The following RUSC2 variants were observed in gnomAD, a reference collection of about 807,000 sequenced individuals.
RUSC2 encodes the protein AP-4 complex accessory subunit RUSC2.
A neutral mutation model predicts 122.2 loss-of-function variants in RUSC2; 34 were observed. The observed-to-expected ratio is 0.28, with a 90% confidence interval of 0.21 to 0.37. The LOEUF is 0.37. Ranked by LOEUF, RUSC2 falls within the 10% of genes least tolerant of loss-of-function variation. RUSC2 has a pLI of 1.00. For missense variants in RUSC2, 1,747 were observed against 1,952.4 expected (o/e 0.89, Z 1.98); for synonymous variants, 784 against 790.0 (o/e 0.99, Z 0.13).
chr9:35,499,387 T>TA (rs1820780884), intron 1 of RUSC2, among the ~76,000 whole-genome samples: 1 of 152,216 alleles, frequency 6.6e-6, no homozygotes, highest in Non-Finnish European at 1.5e-5. Context: ...TTAAAGTTTT[T>TA]AAAAAATTAA....
intron 1 of RUSC2, among the ~76,000 whole-genome samples, chr9:35,522,941 T>G (rs1197348238): frequency 6.6e-6 from 1 of 152,196 alleles, no homozygotes; most frequent in East Asian, 1.9e-4. Flanking sequence ...CTGTCCCTGG[T>G]GTACTGAGGT....
At chr9:35,501,016 G>A (rs537872053) in intron 1 of RUSC2, among the ~76,000 whole-genome samples, 2 of 152,098 alleles carry the variant, frequency 1.3e-5, no homozygotes, top group South Asian at 2.1e-4. Flanking sequence ...TATCTTATGA[G>A]GAAAAAAAGA....
chr9:35,555,749 A>G lies in RUSC2; in HGVS notation c.2656+48A>G, dbSNP rs1196286548. 1.1e-5 allele frequency: 17 copies of G among 1,546,610 alleles called. No homozygotes were observed. The highest frequency in any genetic ancestry group is 1.5e-5 in the Non-Finnish European group (17 of 1,157,398). On this transcript the variant is annotated intron_variant, in intron 3 of 11. Coordinates refer to ENST00000361226, the MANE Select transcript of RUSC2 (RefSeq NM_014806.5). This position sits in a 1 kb window ranked among gnomAD's most constrained non-coding sequence, Gnocchi z 4.6. ...ACCCAACCCGCCACCTCACGCAAGC[A>G]CTTCCACCACCTCCCCTTTGAGTGG...
chr9:35,561,068 C>G lies in RUSC2; in HGVS notation c.4320C>G (p.His1440Gln). 6.2e-7 allele frequency: 1 copy of G among 1,614,142 alleles called. No homozygotes were observed. Among genetic ancestry groups the G allele is most frequent in the Non-Finnish European group, 8.5e-7 (1 of 1,179,988 alleles). The change falls in exon 11 of 12, where the codon CAC (histidine) becomes CAG (glutamine). Residue 1440 changes from histidine to glutamine, a missense_variant. By Grantham distance (24) the His-to-Gln change is conservative. Coordinates refer to ENST00000361226, the MANE Select transcript of RUSC2 (RefSeq NM_014806.5). ...CCAAGGAGAGCCTGCAGGAGCCACA[C>G]TCCCCAGCCCTGCCCTCCAGTCCTC... ...PEPKESLQEP[H>Q]SPALPSSPPC...
At chr9:35,553,145 A>C (rs1388451282) in intron 2 of RUSC2, among the ~76,000 whole-genome samples, 1 of 152,186 alleles carries the variant, frequency 6.6e-6, no homozygotes, top group Non-Finnish European at 1.5e-5. Flanking sequence ...GAGTAGGGTC[A>C]GTGGGGGCAG....
Position 35,548,025 on chromosome 9 carries a change from A to G in RUSC2, c.1504A>G (p.Ser502Gly), listed in dbSNP as rs1359779734. Residue 502 changes from serine (S) to glycine (G), a missense_variant, in exon 2 of 12, where the codon AGC (serine) becomes GGC (glycine). Transcript: ENST00000361226. This position sits in a 1 kb window ranked among gnomAD's most constrained non-coding sequence, Gnocchi z 4.5. ...GRQRSRSYDR[S>G]LQRSPPVRLG... is the part of the protein sequence containing the mutation. The stretch of plus-strand genomic sequence containing the variant: ...TCAGCGCTCCCGCAGCTATGATCGC[A>G]GCCTGCAGCGCAGCCCTCCTGTCCG... 4.3e-6 allele frequency: 7 copies of G among 1,613,872 alleles called. No individual in the cohort carries two copies. Among genetic ancestry groups the G allele is most frequent in the Non-Finnish European group, 5.9e-6 (7 of 1,180,034 alleles).
intron 1 of RUSC2, among the ~76,000 whole-genome samples, chr9:35,502,905 G>A (rs1158394093): frequency 6.6e-6 from 1 of 152,090 alleles, no homozygotes; most frequent in Non-Finnish European, 1.5e-5. Flanking sequence ...TTGCTGCCCA[G>A]TCTGAAGTGC....
chr9:35,552,593 G>A (rs1229970436), intron 2 of RUSC2, among the ~76,000 whole-genome samples: 1 of 152,188 alleles, frequency 6.6e-6, no homozygotes, highest in African/African-American at 2.4e-5. Context: ...AAAAAGTTAA[G>A]ATGACTGGAT....
chr9:35,490,984 C>T (rs1278840528), intron 1 of RUSC2, among the ~76,000 whole-genome samples: 1 of 151,638 alleles, frequency 6.6e-6, no homozygotes, highest in Admixed American at 6.6e-5. Context: ...TTGTCCTTTG[C>T]GTTTTGAACA....
chr9:35,555,786 C>T lies in RUSC2; in HGVS notation c.2656+85C>T. The T allele has an allele frequency of 6.7e-7, 1 of 1,496,806 alleles. No individual in the cohort carries two copies. The highest frequency in any genetic ancestry group is 8.9e-7 in the Non-Finnish European group (1 of 1,120,118). The allele number at this position is 1,496,806 out of a possible 1,614,324, so 92.7% of individuals were successfully genotyped here. On this transcript the variant is annotated intron_variant, in intron 3 of 11. Coordinates refer to ENST00000361226, the MANE Select transcript of RUSC2 (RefSeq NM_014806.5). This position sits in a 1 kb window ranked among gnomAD's most constrained non-coding sequence, Gnocchi z 4.6. Reference sequence around the variant, plus strand: ...TCCCCTTTGAGTGGTTGCTTACACTCTCACCTGGGGCCAGAGGTTAGGATG... The same window carrying T: ...TCCCCTTTGAGTGGTTGCTTACACTTTCACCTGGGGCCAGAGGTTAGGATG...
rs1348521896 is a variant in RUSC2, at chr9:35,558,066, G to A, written c.3060+76G>A. 1.3e-5 allele frequency: 21 copies of A among 1,583,180 alleles called. No homozygotes were observed. The East Asian group carries it at 2.7e-4, about 20-fold the overall frequency. On this transcript the variant is annotated intron_variant, in intron 6 of 11. Coordinates refer to ENST00000361226, the MANE Select transcript of RUSC2 (RefSeq NM_014806.5). The surrounding 1 kb of genome is among the most constrained non-coding windows in gnomAD (Gnocchi z 4.3). Reference sequence around the variant, plus strand: ...TCCCGCGCTACCACCTTCCCTTGCTGTCTTGCATTTAGAGCCCAGGGTTGG... The same window carrying A: ...TCCCGCGCTACCACCTTCCCTTGCTATCTTGCATTTAGAGCCCAGGGTTGG...
At chr9:35,517,339 G>T (rs144879260) in intron 1 of RUSC2, among the ~76,000 whole-genome samples, 2 of 152,290 alleles carry the variant, frequency 1.3e-5, no homozygotes, top group African/African-American at 2.4e-5. Context: ...AAGACTGAAG[G>T]CTTGTGTTAG....
At chr9:35,504,806 A>G (rs1820882064) in intron 1 of RUSC2, among the ~76,000 whole-genome samples, 1 of 152,180 alleles carries the variant, frequency 6.6e-6, no homozygotes, top group African/African-American at 2.4e-5. Flanking sequence ...CACAGGACAA[A>G]TATGGCATGA....
In RUSC2 at chr9:35,547,587, TCTC is replaced by T. The variant is rs756645515; in HGVS notation, c.1069_1071del (p.Pro357del). The T allele has an allele frequency of 1.9e-6, 3 of 1,613,970 alleles. No homozygotes were observed. The highest frequency in any genetic ancestry group is 1.1e-5 in the South Asian group (1 of 91,086). ...GGGCTATGGTTGCCCTCATGCCTCT[TCTC>T]CTGAGCTTGATGCCAACTGCAACTC... On this transcript the variant is annotated inframe_deletion, in exon 2 of 12. Transcript: ENST00000361226. This position sits in a 1 kb window ranked among gnomAD's most constrained non-coding sequence, Gnocchi z 4.6.
intron 1 of RUSC2, among the ~76,000 whole-genome samples, chr9:35,534,630 C>T (rs1821487871): frequency 6.6e-6 from 1 of 152,110 alleles, no homozygotes; most frequent in African/African-American, 2.4e-5. Context: ...TACAGGTGTG[C>T]ACCATCACAC....
At position 35,537,089 on chromosome 9, in the gene RUSC2, A is replaced by G. The variant is rs78940125; in HGVS notation, c.-92-9341A>G. 4.1e-3 allele frequency among the ~76,000 whole-genome samples: 624 copies of G among 152,268 alleles called. 8 individuals carry two copies. Among genetic ancestry groups the G allele is most frequent in the Non-Finnish European group, 3.9e-3 (268 of 68,020 alleles). ...TAATTTGATCTTTCCTCAAAACCCT[A>G]GATCTTTGGCAGTAGTGGTTAGGAA... On this transcript the variant is annotated intron_variant, in intron 1 of 11. Transcript: ENST00000361226.
chr9:35,560,373 G>C lies in RUSC2; in HGVS notation c.3733G>C (p.Glu1245Gln), dbSNP rs757283440. Residue 1245 changes from glutamate to glutamine, a missense_variant, in exon 10 of 12, where the codon GAG becomes CAG. By Grantham distance (29) the Glu-to-Gln change is conservative (BLOSUM62 2). Coordinates refer to ENST00000361226, the MANE Select transcript of RUSC2 (RefSeq NM_014806.5). ...AGGTGGAGAAGAGGAAGAGGAAGAA[G>C]AGGAGACAGAAGAGGTGGCAGAGGC... Reference protein sequence around the residue: ...SEGGEEEEEEEETEEVAEAAG... With the variant: ...SEGGEEEEEEQETEEVAEAAG... The C allele has an allele frequency of 6.2e-7, 1 of 1,613,712 alleles. No homozygotes were observed. Among genetic ancestry groups the C allele is most frequent in the Non-Finnish European group, 8.5e-7 (1 of 1,179,816 alleles).
rs149855683 is a variant in RUSC2, at chr9:35,556,129, G to T, written c.2834G>T (p.Arg945Leu). 6.2e-7 allele frequency: 1 copy of T among 1,614,098 alleles called. No individual in the cohort carries two copies. The highest frequency in any genetic ancestry group is 8.5e-7 in the Non-Finnish European group (1 of 1,179,968). Residue 945 changes from arginine (R) to leucine (L), a missense_variant, in exon 4 of 12, where the codon CGG (arginine) becomes CTG (leucine). Arg to Leu is a moderately radical substitution (Grantham distance 102). Coordinates refer to ENST00000361226, the MANE Select transcript of RUSC2 (RefSeq NM_014806.5). ...SLSAASHLNCRLNGQAVKPLP... is the reference protein window; with the variant it reads ...SLSAASHLNCLLNGQAVKPLP... Reference sequence around the variant, plus strand: ...AGTGCTGCCAGCCATCTGAACTGCCGGCTGAATGGTGTGTGAGCAGGGTCC... The same window carrying T: ...AGTGCTGCCAGCCATCTGAACTGCCTGCTGAATGGTGTGTGAGCAGGGTCC...
chr9:35,494,031 T>G (rs972213351), intron 1 of RUSC2, among the ~76,000 whole-genome samples: 4 of 151,922 alleles, frequency 2.6e-5, no homozygotes, highest in African/African-American at 9.7e-5. Context: ...TATGTTTATG[T>G]TTATTTATTT....
Sources: gnomAD v4.1 joint callset for allele counts (sites outside exome capture counted in the v4.1 genomes callset) on GRCh38, gnomAD v4.1.1 for gene constraint, Gnocchi (gnomAD v3.1) non-coding constraint, MANE v1.5 for transcripts, NCBI Gene and HGNC (gene_info 2026-07-23, HGNC 2026-07-21) for gene names.